The following LINGO2 variants were observed in gnomAD, a reference collection of about 807,000 sequenced individuals.
The protein encoded by LINGO2 is leucine-rich repeat and immunoglobulin-like domain-containing nogo receptor-interacting protein 2.
Under a neutral mutation model 30.6 loss-of-function variants are expected in LINGO2, and 14 were observed. The ratio of observed to expected loss-of-function variants is 0.46; its 90% confidence interval spans 0.30 to 0.72. The LOEUF is 0.72. LINGO2 is among the 30% of genes least tolerant of loss of function. LINGO2 has a pLI of 0.07. For synonymous variants in LINGO2, 317 were observed against 288.5 expected, an observed-to-expected ratio of 1.10 and a Z score of -1.00; for missense variants, 729 against 751.7, an observed-to-expected ratio of 0.97 and a Z score of 0.35.
At chr9:28,421,819 T>C (rs146483725) in intron 2 of LINGO2, among the ~76,000 whole-genome samples, 24 of 152,120 alleles carry the variant, frequency 1.6e-4, no homozygotes, top group African/African-American at 5.5e-4. Flanking sequence ...AATACAGGCA[T>C]ATAGACCAAA....
At chr9:28,393,606 A>T (rs562814430) in intron 2 of LINGO2, among the ~76,000 whole-genome samples, 15 of 152,192 alleles carry the variant, frequency 9.9e-5, no homozygotes, top group Admixed American at 3.3e-4. Flanking sequence ...GATGGAGACG[A>T]GGGATGGGTA....
the LINGO2 span, among the ~76,000 whole-genome samples, chr9:28,863,200 C>A: frequency 6.6e-6 from 1 of 151,968 alleles, no homozygotes; most frequent in East Asian, 1.9e-4. Context: ...TGTCTTCAAG[C>A]CCCTGATCAT....
rs189570625 is a variant in LINGO2, at chr9:28,273,467, A to G, written c.-87+21741T>C. Among the ~76,000 whole-genome samples the G allele has an allele frequency of 5.3e-5, 8 of 152,320 alleles. No homozygotes were observed. In the East Asian group the frequency reaches 1.5e-3, roughly 29 times the overall value. ...GAAAATGGTCCCTTAGTATTTTGGT[A>G]ACCAAATAGTAGTGAGCATTATTCC... On this transcript the variant is annotated intron_variant, in intron 4 of 5. Coordinates refer to ENST00000379992, the Ensembl canonical transcript of LINGO2.
At chr9:28,172,013 T>G (rs1587134454) in intron 4 of LINGO2, among the ~76,000 whole-genome samples, 2 of 18,688 alleles carry the variant, frequency 1.1e-4, no homozygotes, top group African/African-American at 4.9e-4. Flanking sequence ...CAAGACTCCG[T>G]CTCAAAAAAA....
chr9:29,189,608 G>A, the LINGO2 span, among the ~76,000 whole-genome samples: 28 of 152,132 alleles, frequency 1.8e-4, no homozygotes, highest in Non-Finnish European at 3.4e-4. Context: ...CTTCCCAGAC[G>A]GGGTGGCGGC....
chr9:29,095,398 C>T, the LINGO2 span, among the ~76,000 whole-genome samples: 1 of 137,036 alleles, frequency 7.3e-6, no homozygotes, highest in Non-Finnish European at 1.6e-5. Flanking sequence ...AAGCTGACAG[C>T]TGGTAAATTT....
chr9:28,590,386 A>G (rs1280488066), intron 1 of LINGO2, among the ~76,000 whole-genome samples: 1 of 152,138 alleles, frequency 6.6e-6, no homozygotes, highest in South Asian at 2.1e-4. Flanking sequence ...GAATGGGAGA[A>G]AATTTTTGCA....
intron 4 of LINGO2, among the ~76,000 whole-genome samples, chr9:28,056,726 C>T (rs1824954037): frequency 6.6e-6 from 1 of 152,152 alleles, no homozygotes; most frequent in South Asian, 2.1e-4. Flanking sequence ...GTGGCTTAAG[C>T]TTGACTTTTA....
At chr9:28,655,243 T>C (rs1828285721) in intron 1 of LINGO2, among the ~76,000 whole-genome samples, 1 of 152,012 alleles carries the variant, frequency 6.6e-6, no homozygotes, top group Admixed American at 6.6e-5. Flanking sequence ...TTCCCCTTCC[T>C]CCATGGTTGT....
the LINGO2 span, among the ~76,000 whole-genome samples, chr9:28,915,161 A>G: frequency 6.6e-6 from 1 of 152,136 alleles, no homozygotes; most frequent in East Asian, 1.9e-4. Context: ...AATAAATAAA[A>G]ATGAAAATAA....
chr9:29,010,870 A>C, the LINGO2 span, among the ~76,000 whole-genome samples: 1 of 152,104 alleles, frequency 6.6e-6, no homozygotes, highest in Non-Finnish European at 1.5e-5. Context: ...TGACAGAGCA[A>C]GACTCTGTCT....
At chr9:28,209,385 C>T (rs530457919) in intron 4 of LINGO2, among the ~76,000 whole-genome samples, 3 of 151,854 alleles carry the variant, frequency 2.0e-5, no homozygotes, top group Non-Finnish European at 4.4e-5. Flanking sequence ...CCCACTAGCT[C>T]TTAGCTTTAA....
At chr9:27,958,044 A>G (rs528256663) in intron 5 of LINGO2, among the ~76,000 whole-genome samples, 1 of 152,292 alleles carries the variant, frequency 6.6e-6, no homozygotes, top group Admixed American at 6.5e-5. Flanking sequence ...TTAGAGGACA[A>G]TTATTTGGTT....
intron 4 of LINGO2, among the ~76,000 whole-genome samples, chr9:28,257,163 C>A (rs905626363): frequency 6.6e-6 from 1 of 151,086 alleles, no homozygotes; most frequent in African/African-American, 2.4e-5. Context: ...TATCTTTGAA[C>A]AGTTTATTGG....
intron 2 of LINGO2, among the ~76,000 whole-genome samples, chr9:28,419,273 T>C (rs924601983): frequency 6.6e-6 from 1 of 152,176 alleles, no homozygotes; most frequent in East Asian, 1.9e-4. Context: ...TTTGAAAACT[T>C]CTTGAATTTT....
intron 1 of LINGO2, among the ~76,000 whole-genome samples, chr9:28,618,250 G>C (rs556048073): frequency 6.6e-6 from 1 of 152,182 alleles, no homozygotes; most frequent in Admixed American, 6.5e-5. Context: ...GTCAATTAGA[G>C]GCGGCATCAC....
At chr9:28,924,670 T>C in the LINGO2 span, among the ~76,000 whole-genome samples, 1 of 152,246 alleles carries the variant, frequency 6.6e-6, no homozygotes, top group Admixed American at 6.5e-5. Flanking sequence ...ACACATGTTA[T>C]ACTACTCTTC....
rs544477065 is a variant in LINGO2, at chr9:28,299,471, T to A, written c.-245-4105A>T. ...TAATTTTTTTTTTCTATTCATTTAG[T>A]CTGATGAAAAGGTCAGAAAGTATTT... On this transcript the variant is annotated intron_variant, in intron 3 of 5. Coordinates refer to ENST00000379992, the Ensembl canonical transcript of LINGO2. Among the ~76,000 whole-genome samples, 180 of 152,220 alleles carry A rather than the reference T, an allele frequency of 1.2e-3. 1 individual carries two copies. The highest frequency in any genetic ancestry group is 4.2e-3 in the African/African-American group (174 of 41,558).
the LINGO2 span, among the ~76,000 whole-genome samples, chr9:29,026,906 A>G: frequency 1.4e-4 from 22 of 152,176 alleles, 1 homozygote; most frequent in Admixed American, 1.4e-3. Context: ...GAATGATATG[A>G]CCAAAATAAA....
Sources: gnomAD v4.1 joint callset for allele counts (sites outside exome capture counted in the v4.1 genomes callset) on GRCh38, gnomAD v4.1.1 for gene constraint, MANE v1.5 for transcripts, NCBI Gene and HGNC (gene_info 2026-07-23, HGNC 2026-07-21) for gene names.